TMPRSS6: variants seen among roughly 807,000 people sequenced by gnomAD.
TMPRSS6 encodes transmembrane protease serine 6.
TMPRSS6 carries 67 observed loss-of-function variants against 101.5 expected under a neutral mutation model. That is an observed-to-expected ratio of 0.66 (90% CI 0.54 to 0.81). TMPRSS6 has a LOEUF of 0.81. TMPRSS6 is among the 30% of genes least tolerant of loss of function. The probability of loss-of-function intolerance (pLI) is 0.00; values close to 1 mark genes in which losing one functional copy is unlikely to be tolerated. For missense variants in TMPRSS6, 1,034 were observed against 1,088.7 expected (o/e 0.95, Z 0.71); for synonymous variants, 453 against 464.9 (o/e 0.97, Z 0.33).
At position 37,074,883 on chromosome 22, in the gene TMPRSS6, C is replaced by T. The variant is rs1927480544; in HGVS notation, c.1343-175G>A. ...GTCCAAGCAGACATACATATCCAGA[C>T]ACACACACAGAATACACAACACACA... On this transcript the variant is annotated intron_variant, in intron 11 of 17. Transcript: ENST00000676104. Among the ~76,000 whole-genome samples, 2 of 152,110 alleles carry T rather than the reference C, an allele frequency of 1.3e-5. 1 individual carries two copies. The highest frequency in any genetic ancestry group is 4.1e-4 in the South Asian group (2 of 4,828).
chr22:37,079,328 C>G (rs1404154219), intron 10 of TMPRSS6, among the ~76,000 whole-genome samples: 1 of 152,230 alleles, frequency 6.6e-6, no homozygotes, highest in African/African-American at 2.4e-5. Context: ...TTCCTCACCT[C>G]TCTGGATATG....
At chr22:37,070,376 CCACCA>C in intron 15 of TMPRSS6, 103 bp downstream of exon 15, 1 of 1,441,276 alleles carries the variant, frequency 6.9e-7, no homozygotes, top group Non-Finnish European at 9.7e-7. Flanking sequence ...TCTGGGGGGT[CCACCA>C]CCCTTCCCTC....
chr22:37,067,079 C>T, intron 16 of TMPRSS6, 117 bp from the exon 17 acceptor site: 1 of 1,482,650 alleles, frequency 6.7e-7, no homozygotes, highest in Non-Finnish European at 9.2e-7. Flanking sequence ...GCTCTGCCCA[C>T]CCTTACCCCT....
At chr22:37,070,790 G>A in intron 14 of TMPRSS6, 126 bp downstream of exon 14, 5 of 1,305,628 alleles carry the variant, frequency 3.8e-6, no homozygotes, top group African/African-American at 1.4e-5. Context: ...TCAGGACCCA[G>A]GCAAGGGGGC....
chr22:37,106,971 G>T (rs1469105151), intron 1 of TMPRSS6, among the ~76,000 whole-genome samples: 5 of 152,230 alleles, frequency 3.3e-5, no homozygotes, highest in Admixed American at 3.3e-4. Context: ...TTGGCTTTGG[G>T]TCTTGCCTCT....
chr22:37,091,974 G>C (rs951186503), intron 6 of TMPRSS6, among the ~76,000 whole-genome samples: 1 of 152,242 alleles, frequency 6.6e-6, no homozygotes, highest in African/African-American at 2.4e-5. Context: ...TCTGCCTAGG[G>C]AAGGGACAGG....
Position 37,096,707 on chromosome 22 carries a change from C to T in TMPRSS6, c.345G>A (p.Glu115=), listed in dbSNP as rs1400477369. 1.3e-6 allele frequency: 2 copies of T among 1,563,336 alleles called. No homozygotes were observed. The highest frequency in any genetic ancestry group is 1.9e-5 in the Admixed American group (1 of 52,376). The change falls in exon 4 of 18, where the codon GAG becomes GAA. Residue 115 remains glutamate (E), a synonymous_variant. Coordinates refer to ENST00000676104, the MANE Select transcript of TMPRSS6 (RefSeq NM_001374504.1). ...ETAKAQKMLK[E]LITSTRLGTY... is the part of the protein sequence containing the mutation. ...TTCCCAGGCGGGTGCTGGTGATGAGCTCCTTGAGCTGTGAGAAGGGAAGAC... is the reference window on the plus strand; with the variant it reads ...TTCCCAGGCGGGTGCTGGTGATGAGTTCCTTGAGCTGTGAGAAGGGAAGAC...
chr22:37,067,846 T>A (rs1926465774), intron 16 of TMPRSS6, among the ~76,000 whole-genome samples: 1 of 151,976 alleles, frequency 6.6e-6, no homozygotes, highest in Admixed American at 6.6e-5. Flanking sequence ...TTCTGGTTGC[T>A]CCTCGCCCAA....
chr22:37,083,633 C>G (rs61143630), intron 10 of TMPRSS6, among the ~76,000 whole-genome samples: 1 of 152,268 alleles, frequency 6.6e-6, no homozygotes, highest in Non-Finnish European at 1.5e-5. Context: ...TGGGCACCTA[C>G]TGGCCTCATG....
At chr22:37,100,318 T>C (rs1412807445) in intron 2 of TMPRSS6, among the ~76,000 whole-genome samples, 5 of 152,238 alleles carry the variant, frequency 3.3e-5, no homozygotes, top group African/African-American at 1.2e-4. Context: ...CTTTATCAAA[T>C]GGTCCCTCTG....
chr22:37,103,174 G>C lies in TMPRSS6; in HGVS notation c.202+42C>G. 1.2e-6 allele frequency: 2 copies of C among 1,605,018 alleles called. No homozygotes were observed. Among genetic ancestry groups the C allele is most frequent in the Non-Finnish European group, 1.7e-6 (2 of 1,173,174 alleles). ...GCTGTGCCTGCTACAGTCACCCCAA[G>C]TCCTCCCCAGGTGCCTCTCCCAGGC... On this transcript the variant is annotated intron_variant, in intron 2 of 17. Transcript: ENST00000676104. The surrounding 1 kb of genome is among the most constrained non-coding windows in gnomAD (Gnocchi z 4.4).
chr22:37,075,113 T>A (rs144533356), intron 11 of TMPRSS6, 22 bp downstream of exon 11: 1 of 1,613,566 alleles, frequency 6.2e-7, no homozygotes, highest in Non-Finnish European at 8.5e-7. Context: ...TGCAGGGGGT[T>A]CCCCCGGCTG....
At chr22:37,087,105 G>C (rs1928850264) in intron 7 of TMPRSS6, among the ~76,000 whole-genome samples, 1 of 152,124 alleles carries the variant, frequency 6.6e-6, no homozygotes, top group African/African-American at 2.4e-5. Flanking sequence ...GTGATGGCTG[G>C]TACCCTCCCA....
chr22:37,066,884 T>C lies in TMPRSS6; in HGVS notation c.2192A>G (p.Gln731Arg). 6.2e-7 allele frequency: 1 copy of C among 1,614,208 alleles called. No homozygotes were observed. The highest frequency in any genetic ancestry group is 8.5e-7 in the Non-Finnish European group (1 of 1,180,038). ...GGCACACAGCATGCGTGGCGTCACC[T>C]GGTAGCGATAGACCTCGCTGCACAG... ...QDLCSEVYRY[Q>R]VTPRMLCAGY... Residue 731 changes from glutamine (Q) to arginine (R), a missense_variant, in exon 17 of 18, where the codon CAG becomes CGG. Coordinates refer to ENST00000676104, the MANE Select transcript of TMPRSS6 (RefSeq NM_001374504.1).
intron 16 of TMPRSS6, chr22:37,068,764 C>A (rs1334164613): frequency 6.6e-6 from 5 of 752,842 alleles, no homozygotes; most frequent in African/African-American, 3.4e-5. Context: ...AGCCTTCCAC[C>A]CTTGCAGCCC....
chr22:37,102,153 C>T (rs1030666880), intron 2 of TMPRSS6, among the ~76,000 whole-genome samples: 1 of 152,218 alleles, frequency 6.6e-6, no homozygotes, highest in Non-Finnish European at 1.5e-5. Context: ...GAGATTCAGC[C>T]AGTAAGAGCA....
intron 10 of TMPRSS6, among the ~76,000 whole-genome samples, chr22:37,082,305 C>T (rs1408721539): frequency 6.6e-6 from 1 of 152,226 alleles, no homozygotes; most frequent in Non-Finnish European, 1.5e-5. Context: ...CCCCCCACAA[C>T]CCCTGAATGC....
chr22:37,078,173 G>T (rs1261781793), intron 10 of TMPRSS6, among the ~76,000 whole-genome samples: 1 of 145,078 alleles, frequency 6.9e-6, no homozygotes, highest in Non-Finnish European at 1.6e-5. Flanking sequence ...GGGCCTTGGG[G>T]TGTCCCTTCC....
chr22:37,081,644 C>G (rs1601540423), intron 10 of TMPRSS6, among the ~76,000 whole-genome samples: 1 of 152,128 alleles, frequency 6.6e-6, no homozygotes, highest in African/African-American at 2.4e-5. Flanking sequence ...GAGGACTGAA[C>G]AGAGAGAGGG....
Sources: allele counts gnomAD v4.1 joint callset (sites outside exome capture counted in the v4.1 genomes callset), GRCh38; gene constraint gnomAD v4.1.1; non-coding constraint Gnocchi (gnomAD v3.1); transcripts MANE v1.5; gene names NCBI Gene and HGNC (gene_info 2026-07-23, HGNC 2026-07-21).